NSG2: variants seen among roughly 807,000 people sequenced by gnomAD.
The protein encoded by NSG2 is neuronal vesicle trafficking associated 2.
NSG2 carries 4 observed loss-of-function variants against 16.9 expected under a neutral mutation model. The ratio of observed to expected loss-of-function variants is 0.24; its 90% CI spans 0.12 to 0.54. The LOEUF (loss-of-function observed/expected upper bound fraction) is 0.54, where lower values mean the gene tolerates loss of function less well. Among genes scored for constraint, NSG2 ranks in the 20% least tolerant of loss-of-function variants. NSG2 has a pLI of 0.95. For missense variants in NSG2, 179 were observed against 221.1 expected (o/e 0.81, Z 1.21); for synonymous variants, 98 against 88.7 (o/e 1.11, Z -0.59).
Position 174,105,612 on chromosome 5 carries a change from G to T in NSG2, c.324+1274G>T, listed in dbSNP as rs1031869736. Among the ~76,000 whole-genome samples the T allele has an allele frequency of 2.0e-5, 3 of 152,194 alleles. No individual in the cohort carries two copies. In the East Asian group the frequency reaches 5.8e-4, roughly 29 times the overall value. On this transcript the variant is annotated intron_variant, in intron 4 of 4. Transcript: ENST00000303177. ...GTCCTTAGAATACACTCCACCAAGG[G>T]TATAATCTGACTTCCTAGACTTCCA...
chr5:174,090,151 G>A (rs936630118), intron 3 of NSG2, among the ~76,000 whole-genome samples: 1 of 152,128 alleles, frequency 6.6e-6, no homozygotes. Context: ...AATTCACCAG[G>A]AGGACTCACA....
chr5:174,062,533 G>A (rs1314164480), intron 2 of NSG2: 1 of 152,190 alleles, frequency 6.6e-6, no homozygotes, highest in Non-Finnish European at 1.5e-5. Context: ...GTTTGGCTGT[G>A]TTGCTTCCCT....
At position 174,105,056 on chromosome 5, in the gene NSG2, A is replaced by T. The variant is rs187301723; in HGVS notation, c.324+718A>T. ...TATTTATAATTACCATTTGCTGAGTATCTCTAATACATCAGACCCTTTGCT... is the reference window on the plus strand; with the variant it reads ...TATTTATAATTACCATTTGCTGAGTTTCTCTAATACATCAGACCCTTTGCT... On this transcript the variant is annotated intron_variant, in intron 4 of 4. Coordinates refer to ENST00000303177, the MANE Select transcript of NSG2 (RefSeq NM_015980.5). 4.7e-4 allele frequency among the ~76,000 whole-genome samples: 71 copies of T among 152,314 alleles called. 1 individual carries two copies. Among genetic ancestry groups the T allele is most frequent in the African/African-American group, 1.7e-3 (69 of 41,556 alleles).
At chr5:174,061,101 A>G (rs1760042544) in intron 2 of NSG2, among the ~76,000 whole-genome samples, 1 of 151,924 alleles carries the variant, frequency 6.6e-6, no homozygotes, top group South Asian at 2.1e-4. Context: ...TACATATATT[A>G]TATATATTAA....
At chr5:174,091,251 T>A (rs1760717721) in intron 3 of NSG2, 1 of 152,344 alleles carries the variant, frequency 6.6e-6, no homozygotes, top group African/African-American at 2.4e-5. Context: ...GATGGCCCTC[T>A]GGGCTGAGGG....
Position 174,104,451 on chromosome 5 carries a change from G to GT in NSG2, c.324+116dup, listed in dbSNP as rs1460384016. 4 of 717,994 alleles carry GT rather than the reference G, an allele frequency of 5.6e-6. No homozygotes were observed. The Middle Eastern group carries it at 7.3e-4, about 130-fold the overall frequency. 44.5% of individuals were successfully genotyped at this position (717,994 alleles called of 1,614,324 possible). A position where few individuals can be genotyped will look rare whatever the true frequency, so the allele number is the denominator to read the frequency against. On this transcript the variant is annotated intron_variant, in intron 4 of 4. Coordinates refer to ENST00000303177, the MANE Select transcript of NSG2 (RefSeq NM_015980.5). The stretch of plus-strand genomic sequence containing the variant: ...GGGTATGACGACCTCTCTACCGACT[G>GT]TTTAAAATGGAATATGTGTTTGGCA...
chr5:174,069,256 A>C (rs544139571), intron 3 of NSG2, among the ~76,000 whole-genome samples: 2 of 151,542 alleles, frequency 1.3e-5, no homozygotes, highest in East Asian at 3.9e-4. Flanking sequence ...TGGTGCTCTG[A>C]AGGTTGTTGG....
At chr5:174,094,476 C>T (rs1415133317) in intron 3 of NSG2, among the ~76,000 whole-genome samples, 1 of 152,122 alleles carries the variant, frequency 6.6e-6, no homozygotes, top group Non-Finnish European at 1.5e-5. Context: ...GAAAAAGGGG[C>T]TCAGAGAGAT....
chr5:174,067,489 G>T (rs749441939), intron 3 of NSG2, among the ~76,000 whole-genome samples: 1 of 152,260 alleles, frequency 6.6e-6, no homozygotes, highest in South Asian at 2.1e-4. Flanking sequence ...AGTCTTGGGG[G>T]TCAGGAAAGA....
In NSG2 at chr5:174,107,943, T is replaced by C; in HGVS notation, c.*438T>C. 2.7e-6 allele frequency: 1 copy of C among 366,056 alleles called. No homozygotes were observed. Among genetic ancestry groups the C allele is most frequent in the Non-Finnish European group, 5.3e-6 (1 of 188,404 alleles). 22.7% of individuals were successfully genotyped at this position (366,056 alleles called of 1,614,324 possible). A position where few individuals can be genotyped will look rare whatever the true frequency, so the allele number is the denominator to read the frequency against. On this transcript the variant is annotated 3_prime_UTR_variant, in exon 5 of 5. Coordinates refer to ENST00000303177, the MANE Select transcript of NSG2 (RefSeq NM_015980.5). The surrounding 1 kb of genome is among the most constrained non-coding windows in gnomAD (Gnocchi z 4.5). ...CTTAGATAAGAAAACGTAGCTTCAG[T>C]GGGGGCTCCAGGGTTGCAGAGTATG...
At position 174,064,264 on chromosome 5, in the gene NSG2, G is replaced by A. The variant is rs73806549; in HGVS notation, c.162G>A (p.Pro54=). ...TGAAGACAAGAACGGAATATCAGCC[G>A]GAACAGAAGAACAAAGGGAAGTTCC... The part of the protein sequence containing the change: ...VIVKTRTEYQ[P]EQKNKGKFRV... Residue 54 remains proline (P), a synonymous_variant, in exon 3 of 5, where the codon CCG becomes CCA. Coordinates refer to ENST00000303177, the MANE Select transcript of NSG2 (RefSeq NM_015980.5). The A allele has an allele frequency of 1.4e-3, 2,298 of 1,611,174 alleles. 26 individuals carry two copies. The African/African-American group carries it at 0.022, about 16-fold the overall frequency.
intron 3 of NSG2, among the ~76,000 whole-genome samples, chr5:174,069,781 G>T (rs1328221357): frequency 3.3e-5 from 5 of 152,002 alleles, no homozygotes; most frequent in African/African-American, 1.2e-4. Flanking sequence ...CATTTCAAGG[G>T]GTAGCCAGTT....
intron 3 of NSG2, among the ~76,000 whole-genome samples, chr5:174,084,887 T>C (rs1024129476): frequency 1.3e-5 from 2 of 152,258 alleles, no homozygotes; most frequent in African/African-American, 4.8e-5. Flanking sequence ...GCAGGCTGGC[T>C]GTGCGTGCAC....
chr5:174,088,235 A>C (rs2113462700), intron 3 of NSG2, among the ~76,000 whole-genome samples: 1 of 152,348 alleles, frequency 6.6e-6, no homozygotes, highest in Middle Eastern at 3.4e-3. Flanking sequence ...TTATGAATGA[A>C]GAAACTGAGG....
intron 3 of NSG2, chr5:174,066,300 A>T: frequency 2.2e-6 from 1 of 455,708 alleles, no homozygotes; most frequent in South Asian, 1.5e-5. Flanking sequence ...GAATGAGCAC[A>T]GAGCTTGCAG....
At chr5:174,077,580 G>T (rs541031693) in intron 3 of NSG2, among the ~76,000 whole-genome samples, 1 of 152,068 alleles carries the variant, frequency 6.6e-6, no homozygotes, top group Admixed American at 6.6e-5. Context: ...CAGTCTGGTG[G>T]CCACCTATTC....
intron 3 of NSG2, among the ~76,000 whole-genome samples, chr5:174,084,785 C>T (rs1730835752): frequency 6.6e-6 from 1 of 152,210 alleles, no homozygotes; most frequent in Non-Finnish European, 1.5e-5. Flanking sequence ...ACCCAATTTG[C>T]AGCTGCGGCA....
chr5:174,053,444 A>G (rs542259330), intron 2 of NSG2, among the ~76,000 whole-genome samples: 1 of 152,270 alleles, frequency 6.6e-6, no homozygotes, highest in Admixed American at 6.5e-5. Context: ...GAGGCCTGAA[A>G]GGGGACCTAT....
chr5:174,053,287 G>T (rs1410392890), intron 2 of NSG2, among the ~76,000 whole-genome samples: 1 of 152,144 alleles, frequency 6.6e-6, no homozygotes, highest in East Asian at 1.9e-4. Context: ...GCACAGATAG[G>T]GTTTCCTTTC....
Sources: gnomAD v4.1 joint callset for allele counts (sites outside exome capture counted in the v4.1 genomes callset) on GRCh38, gnomAD v4.1.1 for gene constraint, Gnocchi (gnomAD v3.1) non-coding constraint, MANE v1.5 for transcripts, NCBI Gene and HGNC (gene_info 2026-07-23, HGNC 2026-07-21) for gene names.